TOP2B: variants seen among roughly 807,000 people sequenced by gnomAD.
TOP2B encodes DNA topoisomerase 2-beta.
TOP2B carries 51 observed loss-of-function variants against 193.5 expected under a neutral mutation model. The observed-to-expected ratio is 0.26, with a 90% CI of 0.21 to 0.33. The LOEUF is 0.33. TOP2B is among the 10% of genes least tolerant of loss of function. TOP2B has a pLI of 1.00. For synonymous variants in TOP2B, 634 were observed against 635.7 expected (o/e 1.00, Z 0.04); for missense variants, 1,378 against 1,909.3 (o/e 0.72, Z 5.19).
intron 21 of TOP2B, among the ~76,000 whole-genome samples, chr3:25,622,822 G>A (rs1006023788): frequency 1.3e-5 from 2 of 152,122 alleles, no homozygotes; most frequent in Non-Finnish European, 2.9e-5. Context: ...TGTATTTTTA[G>A]TAGAGACAGG....
intron 5 of TOP2B, 54 bp downstream of exon 5, chr3:25,638,111 C>G: frequency 6.9e-7 from 1 of 1,459,202 alleles, no homozygotes; most frequent in Non-Finnish European, 9.3e-7. Context: ...GTAAGTTATA[C>G]ATTTTATATT....
chr3:25,604,487 C>G (rs933197522), intron 33 of TOP2B, among the ~76,000 whole-genome samples: 1 of 152,264 alleles, frequency 6.6e-6, no homozygotes, highest in East Asian at 1.9e-4. Context: ...ATCTCCATTA[C>G]AACCTAACCA....
At chr3:25,642,760 A>C (rs1703300608) in intron 3 of TOP2B, among the ~76,000 whole-genome samples, 1 of 152,192 alleles carries the variant, frequency 6.6e-6, no homozygotes, top group South Asian at 2.1e-4. Flanking sequence ...TCTATTGATC[A>C]CTTTCAATAA....
intron 23 of TOP2B, among the ~76,000 whole-genome samples, 152 bp downstream of exon 23, chr3:25,619,710 T>C (rs540733384): frequency 5.4e-4 from 74 of 138,242 alleles, no homozygotes; most frequent in Middle Eastern, 4.3e-3. Flanking sequence ...AATGTGCCCC[T>C]AGAATCTTCA....
At chr3:25,604,644 ATAC>A in intron 33 of TOP2B, 113 bp downstream of exon 33, 1 of 844,160 alleles carries the variant, frequency 1.2e-6, no homozygotes, top group Non-Finnish European at 1.8e-6. Flanking sequence ...ATAAGCACTT[ATAC>A]TTCTTAATTG....
intron 1 of TOP2B, 134 bp from the exon 2 acceptor site, chr3:25,645,604 C>T (rs1703393592): frequency 4.3e-6 from 3 of 690,792 alleles, no homozygotes; most frequent in Non-Finnish European, 6.8e-6. Flanking sequence ...AAAGAAAACA[C>T]AGGTCTATTT....
intron 4 of TOP2B, among the ~76,000 whole-genome samples, chr3:25,638,725 T>C (rs1246877095): frequency 1.3e-5 from 2 of 152,110 alleles, no homozygotes; most frequent in Non-Finnish European, 2.9e-5. Flanking sequence ...AAATCAACGT[T>C]TGGCATCCTT....
chr3:25,612,949 G>A (rs1339649756), intron 27 of TOP2B, among the ~76,000 whole-genome samples: 1 of 152,118 alleles, frequency 6.6e-6, no homozygotes, highest in African/African-American at 2.4e-5. Context: ...GGGCAATAGT[G>A]ACTAAATGAC....
chr3:25,615,300 A>T lies in TOP2B; in HGVS notation c.3508-12T>A. The T allele has an allele frequency of 6.2e-7, 1 of 1,603,158 alleles. No individual in the cohort carries two copies. The highest frequency in any genetic ancestry group is 8.5e-7 in the Non-Finnish European group (1 of 1,175,752). ...TTGACCTCTCGCCCCTATAATAAAA[A>T]AGTACAGTTTAAACATTCAATAGTT... is the stretch of plus-strand genomic sequence containing the variant. On this transcript the variant is annotated splice_polypyrimidine_tract_variant and intron_variant, in intron 26 of 35. Transcript: ENST00000264331.
At chr3:25,598,535 G>T in intron 35 of TOP2B, 58 bp from the exon 36 acceptor site, 1 of 1,338,728 alleles carries the variant, frequency 7.5e-7, no homozygotes, top group Non-Finnish European at 1.0e-6. Context: ...CTAGTATTAA[G>T]AACTATCACT....
intron 1 of TOP2B, among the ~76,000 whole-genome samples, chr3:25,657,500 G>A (rs940598547): frequency 6.6e-6 from 1 of 152,138 alleles, no homozygotes; most frequent in African/African-American, 2.4e-5. Flanking sequence ...TCAGAAAAGA[G>A]AACAGCAAAT....
At chr3:25,649,525 G>A (rs1388992689) in intron 1 of TOP2B, among the ~76,000 whole-genome samples, 1 of 151,454 alleles carries the variant, frequency 6.6e-6, no homozygotes, top group Non-Finnish European at 1.5e-5. Context: ...TTACAAAGGA[G>A]CTTCTGTTAG....
rs773899844 is a variant in TOP2B, at chr3:25,615,201, C to T, written c.3591+4G>A. The T allele has an allele frequency of 6.2e-7, 1 of 1,606,712 alleles. No homozygotes were observed. Among genetic ancestry groups the T allele is most frequent in the Non-Finnish European group, 8.5e-7 (1 of 1,176,526 alleles). On this transcript the variant is annotated splice_donor_region_variant and intron_variant, in intron 27 of 35. Coordinates refer to ENST00000264331, the MANE Select transcript of TOP2B (RefSeq NM_001330700.2). ...AAATAAATTTTAATAGAGACTTAAC[C>T]TACATCCAGTTCTTCAACAAATGCC... is the stretch of plus-strand genomic sequence containing the variant.
At chr3:25,610,580 G>T (rs772841130) in intron 28 of TOP2B, among the ~76,000 whole-genome samples, 1 of 152,200 alleles carries the variant, frequency 6.6e-6, no homozygotes, top group Admixed American at 6.5e-5. Context: ...GTAATAGTCT[G>T]CTAGAACTCA....
chr3:25,618,566 T>C, intron 24 of TOP2B, 57 bp from the exon 25 acceptor site: 1 of 1,547,108 alleles, frequency 6.5e-7, no homozygotes, highest in Non-Finnish European at 8.8e-7. Context: ...TTGTATTTGC[T>C]TATATTCTAC....
intron 1 of TOP2B, among the ~76,000 whole-genome samples, chr3:25,651,241 TA>T (rs1559509123): frequency 6.6e-6 from 1 of 151,826 alleles, no homozygotes; most frequent in African/African-American, 2.4e-5. Flanking sequence ...ATACACAATA[TA>T]AAAAGAGGTA....
intron 33 of TOP2B, among the ~76,000 whole-genome samples, chr3:25,604,332 A>G (rs995619559): frequency 7.2e-5 from 11 of 152,188 alleles, no homozygotes; most frequent in African/African-American, 2.4e-4. Context: ...TTTGTGGCCA[A>G]TCTAAGGCTG....
At position 25,624,812 on chromosome 3, in the gene TOP2B, A is replaced by G. The variant is rs2125370545; in HGVS notation, c.2225-9T>C. 1 of 1,609,330 alleles carries G rather than the reference A, an allele frequency of 6.2e-7. No homozygotes were observed. Among genetic ancestry groups the G allele is most frequent in the African/African-American group, 1.3e-5 (1 of 74,734 alleles). The stretch of plus-strand genomic sequence containing the variant: ...CTGGCCAGGTTTAAAGCCTATTTTT[A>G]AAAGAGCTCTTTTAAAATGTTACTT... On this transcript the variant is annotated splice_polypyrimidine_tract_variant and intron_variant, in intron 18 of 35. Coordinates refer to ENST00000264331, the MANE Select transcript of TOP2B (RefSeq NM_001330700.2).
chr3:25,663,658 T>G (rs375958249), intron 1 of TOP2B, among the ~76,000 whole-genome samples: 1 of 152,142 alleles, frequency 6.6e-6, no homozygotes, highest in South Asian at 2.1e-4. Flanking sequence ...CGACCTACAG[T>G]ATTAACTGCT....
Sources: gnomAD v4.1 joint callset for allele counts (sites outside exome capture counted in the v4.1 genomes callset) on GRCh38, gnomAD v4.1.1 for gene constraint, MANE v1.5 for transcripts, NCBI Gene and HGNC (gene_info 2026-07-23, HGNC 2026-07-21) for gene names.